Variants in DAB1 observed in about 807,000 individuals in gnomAD.
The protein encoded by DAB1 is DAB adaptor protein 1, also known as disabled homolog 1.
Under a neutral mutation model 64.6 loss-of-function variants are expected in DAB1, and 15 were observed. That is an observed-to-expected ratio of 0.23 (90% CI 0.16 to 0.36). DAB1 has a LOEUF of 0.36. Among genes scored for constraint, DAB1 ranks in the 10% least tolerant of loss-of-function variants. The pLI, the probability that DAB1 is intolerant of heterozygous loss-of-function variation, is 1.00. For synonymous variants in DAB1, 235 were observed against 251.9 expected (o/e 0.93, Z 0.64); for missense variants, 596 against 706.7 (o/e 0.84, Z 1.78).
At chr1:57,330,736 C>G (rs1676592959) in intron 1 of DAB1, among the ~76,000 whole-genome samples, 1 of 152,152 alleles carries the variant, frequency 6.6e-6, no homozygotes, top group African/African-American at 2.4e-5. Context: ...AAAGGAGGCA[C>G]TCAGGAAATC....
Position 58,230,091 on chromosome 1 carries a change from C to G in DAB1, n.310-79503G>C, listed in dbSNP as rs72910435. Among the ~76,000 whole-genome samples, 1,419 of 152,262 alleles carry G rather than the reference C, an allele frequency of 9.3e-3. 21 individuals carry two copies. The highest frequency in any genetic ancestry group is 0.032 in the African/African-American group (1,348 of 41,554). On this transcript the variant is annotated intron_variant and non_coding_transcript_variant, in intron 4 of 20. Transcript: ENST00000485760. Reference sequence around the variant, plus strand: ...TTTCCATGGCTCCCTTACTATGGAACTCAGTCATCAAGACTGATGTTTCAT... The same window carrying G: ...TTTCCATGGCTCCCTTACTATGGAAGTCAGTCATCAAGACTGATGTTTCAT...
chr1:57,691,704 C>T (rs375119200), intron 6 of DAB1, among the ~76,000 whole-genome samples: 8 of 152,004 alleles, frequency 5.3e-5, no homozygotes, highest in African/African-American at 1.2e-4. Context: ...ACACTCACTG[C>T]GAAGGTCTGC....
chr1:57,479,851 C>T (rs1643989989), intron 7 of DAB1, among the ~76,000 whole-genome samples: 1 of 152,124 alleles, frequency 6.6e-6, no homozygotes, highest in Non-Finnish European at 1.5e-5. Flanking sequence ...ACATGCATTG[C>T]AAGAGAAAGA....
chr1:58,521,289 C>T (rs80031294), intron 2 of DAB1, among the ~76,000 whole-genome samples: 2,245 of 151,086 alleles, frequency 0.015, 47 homozygotes, highest in East Asian at 0.12. Flanking sequence ...AGTAAAGATG[C>T]TCTCAGAGGA....
Position 57,580,588 on chromosome 1 carries a change from C to T in DAB1, n.625+69004G>A, listed in dbSNP as rs1031007430. Among the ~76,000 whole-genome samples the T allele has an allele frequency of 3.6e-4, 54 of 152,080 alleles. 1 individual carries two copies. The highest frequency in any genetic ancestry group is 2.8e-3 in the Admixed American group (43 of 15,274). On this transcript the variant is annotated intron_variant and non_coding_transcript_variant, in intron 7 of 20. Transcript: ENST00000485760. ...TTTAACAGGAATTCAAGTCTCCTCTCCTCTTTTTCCTTCTCCTTGATCTCC... is the reference window on the plus strand; with the variant it reads ...TTTAACAGGAATTCAAGTCTCCTCTTCTCTTTTTCCTTCTCCTTGATCTCC...
chr1:57,788,576 C>G (rs1054221361), intron 6 of DAB1, among the ~76,000 whole-genome samples: 2 of 152,102 alleles, frequency 1.3e-5, no homozygotes, highest in Non-Finnish European at 1.5e-5. Context: ...TTTGTGGTGA[C>G]AAAAGTTATT....
At chr1:58,071,228 G>A (rs1051959710) in intron 5 of DAB1, among the ~76,000 whole-genome samples, 1 of 152,090 alleles carries the variant, frequency 6.6e-6, no homozygotes, top group African/African-American at 2.4e-5. Context: ...AGAAATGAAG[G>A]GTGTTACTAA....
intron 9 of DAB1, among the ~76,000 whole-genome samples, chr1:57,050,451 G>A (rs1649069338): frequency 6.6e-6 from 1 of 152,184 alleles, no homozygotes; most frequent in African/African-American, 2.4e-5. Flanking sequence ...CTGCTCCCAT[G>A]GAGGCACCCT....
intron 6 of DAB1, among the ~76,000 whole-genome samples, chr1:57,698,339 C>A (rs1025122522): frequency 7.3e-5 from 11 of 150,722 alleles, no homozygotes; most frequent in African/African-American, 2.7e-4. Flanking sequence ...CTCAAGAAAT[C>A]CTCCTGTGTT....
intron 6 of DAB1, among the ~76,000 whole-genome samples, chr1:57,760,353 T>G (rs568908044): frequency 6.6e-6 from 1 of 151,026 alleles, no homozygotes; most frequent in Non-Finnish European, 1.5e-5. Flanking sequence ...TAATAAATAC[T>G]TCTTGAATTT....
At chr1:58,412,348 A>G (rs1232835141) in intron 3 of DAB1, among the ~76,000 whole-genome samples, 55 of 150,284 alleles carry the variant, frequency 3.7e-4, no homozygotes, top group Non-Finnish European at 6.0e-5. Flanking sequence ...TCAGTTATGT[A>G]ACCCAGTAAG....
chr1:57,558,892 G>C (rs1645019653), intron 7 of DAB1, among the ~76,000 whole-genome samples: 1 of 152,186 alleles, frequency 6.6e-6, no homozygotes, highest in Non-Finnish European at 1.5e-5. Context: ...GGAGGGTCCA[G>C]AAGATATACC....
At chr1:57,399,229 G>A (rs1294710011) in intron 1 of DAB1, among the ~76,000 whole-genome samples, 1 of 152,162 alleles carries the variant, frequency 6.6e-6, no homozygotes, top group Non-Finnish European at 1.5e-5. Flanking sequence ...TGTGGAAGGT[G>A]AGGAGAGATT....
chr1:57,892,678 T>A (rs1644334799), intron 5 of DAB1, among the ~76,000 whole-genome samples: 1 of 152,210 alleles, frequency 6.6e-6, no homozygotes, highest in Non-Finnish European at 1.5e-5. Flanking sequence ...ATTTTTGTTT[T>A]CTTCTATTCT....
intron 5 of DAB1, among the ~76,000 whole-genome samples, chr1:58,083,586 T>C (rs1018417236): frequency 1.3e-5 from 2 of 152,246 alleles, no homozygotes; most frequent in Non-Finnish European, 2.9e-5. Context: ...AATCAACCTA[T>C]GATAACATTT....
intron 5 of DAB1, among the ~76,000 whole-genome samples, chr1:58,064,803 G>C (rs1648746522): frequency 6.6e-6 from 1 of 151,954 alleles, no homozygotes; most frequent in Non-Finnish European, 1.5e-5. Context: ...CTCACTGCAA[G>C]CTCCGCCTCC....
intron 9 of DAB1, among the ~76,000 whole-genome samples, chr1:57,053,274 G>A (rs947846566): frequency 1.3e-5 from 2 of 152,020 alleles, no homozygotes; most frequent in Non-Finnish European, 2.9e-5. Context: ...CAGAGACAGG[G>A]TCTTGCTTTG....
intron 4 of DAB1, among the ~76,000 whole-genome samples, chr1:58,281,895 A>G (rs962755661): frequency 6.6e-6 from 1 of 152,110 alleles, no homozygotes; most frequent in Non-Finnish European, 1.5e-5. Flanking sequence ...AGTTGTTTCT[A>G]TCACCACTAT....
intron 4 of DAB1, among the ~76,000 whole-genome samples, chr1:58,327,625 C>T (rs542557938): frequency 6.6e-6 from 1 of 152,292 alleles, no homozygotes; most frequent in South Asian, 2.1e-4. Context: ...TACTGCTTCA[C>T]AGGGTAAGCA....
Sources: allele counts gnomAD v4.1 joint callset (sites outside exome capture counted in the v4.1 genomes callset), GRCh38; gene constraint gnomAD v4.1.1; transcripts MANE v1.5; gene names NCBI Gene and HGNC (gene_info 2026-07-23, HGNC 2026-07-21).